Variants in PPP2R2C observed in about 807,000 individuals in gnomAD.
PPP2R2C encodes the protein protein phosphatase 2 regulatory subunit Bgamma, also known as protein phosphatase 2, regulatory subunit B, gamma.
PPP2R2C carries 10 observed loss-of-function variants against 45.3 expected under a neutral mutation model. The observed-to-expected ratio is 0.22, with a 90% CI of 0.14 to 0.37. The LOEUF (loss-of-function observed/expected upper bound fraction) is 0.37. Among genes scored for constraint, PPP2R2C ranks in the 10% least tolerant of loss-of-function variants. The probability of loss-of-function intolerance (pLI) is 1.00; values close to 1 mark genes in which losing one functional copy is unlikely to be tolerated. For missense variants in PPP2R2C, 308 were observed against 619.7 expected (o/e 0.50, Z 5.34); for synonymous variants, 257 against 245.4 (o/e 1.05, Z -0.44).
chr4:6,381,395 G>A (rs749729162), intron 1 of PPP2R2C: 10 of 1,445,408 alleles, frequency 6.9e-6, no homozygotes, highest in Admixed American at 4.3e-5. Flanking sequence ...TGGGACTCAC[G>A]GTGGTATCTG....
In PPP2R2C at chr4:6,392,581, G is replaced by A. The variant is rs74431658; in HGVS notation, c.71-11487C>T. Among the ~76,000 whole-genome samples, 588 of 152,356 alleles carry A rather than the reference G, an allele frequency of 3.9e-3. 6 individuals carry two copies. Among genetic ancestry groups the A allele is most frequent in the African/African-American group, 0.013 (548 of 41,586 alleles). ...GCACGAGCAAAGGCCCTGAGGTAGG[G>A]TGAGTTTGATCTGTTGCAGGCCAGC... On this transcript the variant is annotated intron_variant, in intron 1 of 8. Coordinates refer to ENST00000382599, the MANE Select transcript of PPP2R2C (RefSeq NM_020416.4).
intron 1 of PPP2R2C, among the ~76,000 whole-genome samples, chr4:6,405,328 G>A (rs906426724): frequency 6.6e-6 from 1 of 152,218 alleles, no homozygotes; most frequent in South Asian, 2.1e-4. Context: ...ACCTCTGCCT[G>A]TTGAGAACAG....
chr4:6,446,087 C>T (rs554621878), intron 1 of PPP2R2C, among the ~76,000 whole-genome samples: 2 of 152,332 alleles, frequency 1.3e-5, no homozygotes, highest in Admixed American at 1.3e-4. Context: ...GCCTCAGTTT[C>T]CTCATCTGTG....
intron 1 of PPP2R2C, chr4:6,382,754 A>T (rs1224548254): frequency 1.6e-6 from 1 of 627,412 alleles, no homozygotes; most frequent in East Asian, 7.5e-5. Context: ...TTCACAGCAT[A>T]TCGGGATGCC....
At position 6,351,100 on chromosome 4, in the gene PPP2R2C, T is replaced by C. The variant is rs545139230; in HGVS notation, c.626-3090A>G. On this transcript the variant is annotated intron_variant, in intron 5 of 8. Coordinates refer to ENST00000382599, the MANE Select transcript of PPP2R2C (RefSeq NM_020416.4). ...CGAGCAGGTCACCTGAGCTCAGGAG[T>C]TCGAGACCAGCCTGACCAACATACC... The C allele has an allele frequency of 4.7e-6, 4 of 855,300 alleles. No individual in the cohort carries two copies. The East Asian group carries it at 4.9e-4, about 105-fold the overall frequency. 53.0% of individuals were successfully genotyped at this position (855,300 alleles called of 1,614,324 possible). A position where few individuals can be genotyped will look rare whatever the true frequency, so the allele number is the denominator to read the frequency against.
chr4:6,537,067 G>A (rs1350655823), intron 1 of PPP2R2C, among the ~76,000 whole-genome samples: 2 of 152,146 alleles, frequency 1.3e-5, no homozygotes, highest in Admixed American at 1.3e-4. Context: ...GCCAGGCGTG[G>A]TGGTGGGCAC....
chr4:6,509,463 T>C (rs1035424816), intron 2 of PPP2R2C, among the ~76,000 whole-genome samples: 9 of 149,426 alleles, frequency 6.0e-5, no homozygotes, highest in East Asian at 3.9e-4. Flanking sequence ...AAAAAATCAA[T>C]TGAGCCTCTG....
At chr4:6,495,794 C>G (rs1722862977) in intron 2 of PPP2R2C, among the ~76,000 whole-genome samples, 1 of 152,182 alleles carries the variant, frequency 6.6e-6, no homozygotes. Context: ...ATAACTTTTG[C>G]GTGGTGTATG....
intron 1 of PPP2R2C, among the ~76,000 whole-genome samples, chr4:6,410,840 GTTTTATTT>G (rs1419666154): frequency 3.8e-5 from 5 of 132,972 alleles, no homozygotes; most frequent in African/African-American, 1.1e-4. Context: ...TATTCCCCCT[GTTTTATTT>G]ATTTATTTAT....
intron 1 of PPP2R2C, among the ~76,000 whole-genome samples, chr4:6,560,397 G>A (rs1725537048): frequency 6.6e-6 from 1 of 152,252 alleles, no homozygotes; most frequent in African/African-American, 2.4e-5. Flanking sequence ...CTTGTTGAGA[G>A]GTGGTGGGGT....
intron 8 of PPP2R2C, among the ~76,000 whole-genome samples, 179 bp from the exon 9 acceptor site, chr4:6,323,772 C>CA (rs992637195): frequency 2.0e-5 from 3 of 151,210 alleles, no homozygotes; most frequent in Admixed American, 6.6e-5. Flanking sequence ...TCCACCTCTA[C>CA]AAAAAAAAAT....
intron 1 of PPP2R2C, among the ~76,000 whole-genome samples, chr4:6,439,306 C>T (rs1485799674): frequency 6.6e-6 from 1 of 152,242 alleles, no homozygotes; most frequent in African/African-American, 2.4e-5. Flanking sequence ...GCTGCACACT[C>T]TTGTAGAAAT....
At chr4:6,386,437 T>G (rs781514649) in intron 1 of PPP2R2C, among the ~76,000 whole-genome samples, 3 of 152,084 alleles carry the variant, frequency 2.0e-5, no homozygotes, top group Non-Finnish European at 2.9e-5. Context: ...TGCCCATGTC[T>G]TGGGCTGACC....
intron 1 of PPP2R2C, among the ~76,000 whole-genome samples, chr4:6,465,991 T>C (rs1721572455): frequency 6.6e-6 from 1 of 152,194 alleles, no homozygotes; most frequent in Non-Finnish European, 1.5e-5. Flanking sequence ...GATTGGCAAA[T>C]ATGGGCACGT....
intron 1 of PPP2R2C, among the ~76,000 whole-genome samples, chr4:6,543,404 A>C (rs1299256018): frequency 6.6e-6 from 1 of 152,142 alleles, no homozygotes; most frequent in African/African-American, 2.4e-5. Flanking sequence ...TCACCAAAAA[A>C]AAATGGCAAT....
At chr4:6,439,310 T>A (rs1720034124) in intron 1 of PPP2R2C, among the ~76,000 whole-genome samples, 1 of 152,248 alleles carries the variant, frequency 6.6e-6, no homozygotes, top group African/African-American at 2.4e-5. Context: ...CACACTCTTG[T>A]AGAAATGACT....
intron 1 of PPP2R2C, chr4:6,382,386 CAG>C: frequency 1.5e-6 from 2 of 1,348,580 alleles, no homozygotes; most frequent in Non-Finnish European, 2.0e-6. Context: ...CCTGTAGCCA[CAG>C]AGAGGACACT....
intron 1 of PPP2R2C, among the ~76,000 whole-genome samples, chr4:6,389,424 T>C (rs532206469): frequency 1.5e-4 from 23 of 152,296 alleles, no homozygotes; most frequent in African/African-American, 5.1e-4. Flanking sequence ...ATGAGGTTGT[T>C]GCATTTAATT....
intron 2 of PPP2R2C, among the ~76,000 whole-genome samples, chr4:6,506,129 G>T (rs546571933): frequency 1.3e-5 from 2 of 152,300 alleles, no homozygotes; most frequent in African/African-American, 4.8e-5. Flanking sequence ...AAAATAATGT[G>T]TTGGCTCTTC....
Sources: allele counts gnomAD v4.1 joint callset (sites outside exome capture counted in the v4.1 genomes callset), GRCh38; gene constraint gnomAD v4.1.1; transcripts MANE v1.5; gene names NCBI Gene and HGNC (gene_info 2026-07-23, HGNC 2026-07-21).